RASSF4: variants seen among roughly 807,000 people sequenced by gnomAD.
The protein encoded by RASSF4 is Ras association domain family member 4, also known as ras association domain-containing protein 4.
A neutral mutation model predicts 41.1 loss-of-function variants in RASSF4; 38 were observed. That is an observed-to-expected ratio of 0.92 (90% CI 0.71 to 1.21). The LOEUF is 1.21. Ranked by LOEUF, RASSF4 falls within the 50% of genes most tolerant of loss-of-function variation. The pLI, the probability that RASSF4 is intolerant of heterozygous loss-of-function variation, is 0.00. For missense variants in RASSF4, 414 were observed against 419.4 expected (o/e 0.99, Z 0.11); for synonymous variants, 179 against 163.4 (o/e 1.10, Z -0.73).
chr10:44,979,570 A>G (rs977703640), intron 3 of RASSF4, among the ~76,000 whole-genome samples: 9 of 152,286 alleles, frequency 5.9e-5, no homozygotes, highest in Admixed American at 3.9e-4. Flanking sequence ...TACAGTGGTC[A>G]GGGGTGTCTT....
intron 3 of RASSF4, chr10:44,982,125 G>A (rs535643996): frequency 3.6e-6 from 1 of 276,760 alleles, no homozygotes; most frequent in South Asian, 3.3e-5. Flanking sequence ...CATAGGACCT[G>A]GTGGCGCAGG....
At position 44,970,230 on chromosome 10, in the gene RASSF4, C is replaced by T. The variant is rs34692238; in HGVS notation, c.28C>T (p.His10Tyr). The T allele has an allele frequency of 6.8e-4, 1,101 of 1,614,068 alleles. 2 individuals carry two copies. In the African/African-American group the frequency reaches 0.012, roughly 17 times the overall value. Residue 10 changes from histidine (H) to tyrosine (Y), a missense_variant, in exon 2 of 11, where the codon CAC (histidine) becomes TAC (tyrosine). By Grantham distance (83) the His-to-Tyr change is moderately conservative (BLOSUM62 2). Coordinates refer to ENST00000340258, the MANE Select transcript of RASSF4 (RefSeq NM_032023.4). The stretch of plus-strand genomic sequence containing the variant: ...GAAGGAAGACTGTCTGCCGAGTTCT[C>T]ACGTGCCCATCAGTGACAGCAAGTC... MKEDCLPSS[H>Y]VPISDSKSIQ...
chr10:44,987,636 T>G (rs1841969620), intron 6 of RASSF4, among the ~76,000 whole-genome samples: 1 of 149,916 alleles, frequency 6.7e-6, no homozygotes, highest in Non-Finnish European at 1.5e-5. Flanking sequence ...CTTTTTTTTT[T>G]TTTTTTGCTG....
rs1161152612 is a variant in RASSF4, at chr10:44,991,922, G to C, written c.825G>C (p.Lys275Asn). ...TTTTCTAGGTCGCTCAGTACATTAA[G>C]TTTGAAATGCCGGTGCTGGACAGTT... ...EVPHEVAQYI[K>N]FEMPVLDSFV... is the part of the protein sequence containing the mutation. The change falls in exon 10 of 11, where the codon AAG becomes AAC. Residue 275 changes from lysine (K) to asparagine (N), a missense_variant. Lys to Asn is a moderately conservative substitution (Grantham distance 94). Transcript: ENST00000340258. The C allele has an allele frequency of 1.2e-6, 2 of 1,612,926 alleles. No individual in the cohort carries two copies.
chr10:44,977,495 G>A (rs1300571056), intron 3 of RASSF4: 3 of 1,613,240 alleles, frequency 1.9e-6, no homozygotes, highest in Admixed American at 3.3e-5. Flanking sequence ...CTGCCCAAAA[G>A]TCCAGCTTCT....
intron 1 of RASSF4, among the ~76,000 whole-genome samples, chr10:44,961,213 A>T (rs1226559326): frequency 6.6e-6 from 1 of 152,186 alleles, no homozygotes; most frequent in Non-Finnish European, 1.5e-5. Context: ...TGACAACAAA[A>T]AGGTTGATGC....
At chr10:44,971,606 G>A (rs770885939) in intron 2 of RASSF4, 167 bp from the exon 3 acceptor site, 13 of 713,094 alleles carry the variant, frequency 1.8e-5, no homozygotes, top group South Asian at 5.8e-5. Flanking sequence ...AGAACCATCC[G>A]GGTGCATTGC....
chr10:44,968,553 G>A (rs1225595999), intron 1 of RASSF4, among the ~76,000 whole-genome samples: 2 of 152,182 alleles, frequency 1.3e-5, no homozygotes, highest in African/African-American at 4.8e-5. Context: ...CCTGCCTCTT[G>A]CATCACAGGC....
chr10:44,984,134 G>T (rs1459453625), intron 5 of RASSF4, 21 bp downstream of exon 5: 2 of 1,574,192 alleles, frequency 1.3e-6, no homozygotes, highest in East Asian at 2.3e-5. Context: ...CCCGCAAGCT[G>T]CCCAGACCCC....
At chr10:44,979,239 C>T (rs935060789) in intron 3 of RASSF4, among the ~76,000 whole-genome samples, 4 of 152,184 alleles carry the variant, frequency 2.6e-5, no homozygotes, top group East Asian at 1.9e-4. Context: ...TAGGCCTGCT[C>T]CTAGGAGAGA....
intron 6 of RASSF4, among the ~76,000 whole-genome samples, chr10:44,987,273 A>G (rs1205654630): frequency 4.0e-5 from 6 of 151,886 alleles, no homozygotes; most frequent in African/African-American, 7.3e-5. Context: ...TAATTTTTGT[A>G]TTTTTTGTAG....
chr10:44,974,629 C>CCG (rs1554807970), intron 3 of RASSF4, among the ~76,000 whole-genome samples: 1 of 152,010 alleles, frequency 6.6e-6, no homozygotes, highest in Non-Finnish European at 1.5e-5. Flanking sequence ...GAGACCCCCC[C>CCG]GTGTTGTCAC....
At chr10:44,988,926 T>C (rs543419347) in intron 6 of RASSF4, among the ~76,000 whole-genome samples, 7 of 152,214 alleles carry the variant, frequency 4.6e-5, no homozygotes, top group Non-Finnish European at 1.0e-4. Flanking sequence ...ACTTTCAGCC[T>C]TAGAATCAAC....
chr10:44,982,792 C>G lies in RASSF4; in HGVS notation c.281+129C>G, dbSNP rs1380572405. On this transcript the variant is annotated intron_variant, in intron 4 of 10. Coordinates refer to ENST00000340258, the MANE Select transcript of RASSF4 (RefSeq NM_032023.4). ...CACAGGAGGGTGACCCAGCCTCATC[C>G]CCATGCCCTGTGACTGCCTCAGTCC... The G allele has an allele frequency of 5.8e-6, 6 of 1,039,498 alleles. No individual in the cohort carries two copies. The East Asian group carries it at 1.6e-4, about 27-fold the overall frequency. The allele number at this position is 1,039,498 out of a possible 1,614,324, so 64.4% of individuals were successfully genotyped here. A position where few individuals can be genotyped will look rare whatever the true frequency, so the allele number is the denominator to read the frequency against.
rs546198227 is a variant in RASSF4 at position 44,970,274 on chromosome 10, G to T, written c.62+10G>T. On this transcript the variant is annotated intron_variant, in intron 2 of 10. Transcript: ENST00000340258. ...GCAAGTCCATTCAGAAGTAAGCCTT[G>T]GTGTGCAGGTTGGGCGGGGGAGTCT... is the stretch of plus-strand genomic sequence containing the variant. The T allele has an allele frequency of 4.3e-6, 7 of 1,612,814 alleles. No individual in the cohort carries two copies. The highest frequency in any genetic ancestry group is 3.3e-4 in the Middle Eastern group (2 of 6,058).
chr10:44,962,232 C>T (rs892714190), intron 1 of RASSF4, among the ~76,000 whole-genome samples: 3 of 152,258 alleles, frequency 2.0e-5, no homozygotes, highest in Non-Finnish European at 2.9e-5. Context: ...GGCTCTACAA[C>T]GTTCCTCTGC....
At chr10:44,969,177 C>G (rs1035812594) in intron 1 of RASSF4, among the ~76,000 whole-genome samples, 1 of 151,620 alleles carries the variant, frequency 6.6e-6, no homozygotes, top group African/African-American at 2.4e-5. Flanking sequence ...ATGTAGGAGG[C>G]CTTGATAAGA....
In RASSF4 at chr10:44,975,812, G is replaced by C. The variant is rs187355778; in HGVS notation, c.138+3964G>C. Among the ~76,000 whole-genome samples the C allele has an allele frequency of 1.0e-3, 159 of 151,522 alleles. 2 individuals are homozygous for C. Among genetic ancestry groups the C allele is most frequent in the African/African-American group, 3.6e-3 (149 of 41,274 alleles). The stretch of plus-strand genomic sequence containing the variant: ...CAGCTGGGTATTAGTGAGGAAGCCC[G>C]GGGATGGTCTCCTCAAACTGCCAGA... On this transcript the variant is annotated intron_variant, in intron 3 of 10. Coordinates refer to ENST00000340258, the MANE Select transcript of RASSF4 (RefSeq NM_032023.4).
rs769540707 is a variant in RASSF4 at position 44,977,786 on chromosome 10, A to G, written c.139-4735A>G. 24 of 1,601,486 alleles carry G rather than the reference A, an allele frequency of 1.5e-5. 1 individual carries two copies. In the Admixed American group the frequency reaches 3.8e-4, roughly 25 times the overall value. ...ACTGAAACGTGCGGTGATGTCTCGC[A>G]GGGACACAGCAGGGCGGCCCTTCCG... On this transcript the variant is annotated intron_variant, in intron 3 of 10. Coordinates refer to ENST00000340258, the MANE Select transcript of RASSF4 (RefSeq NM_032023.4).
Sources: allele counts gnomAD v4.1 joint callset (sites outside exome capture counted in the v4.1 genomes callset), GRCh38; gene constraint gnomAD v4.1.1; transcripts MANE v1.5; gene names NCBI Gene and HGNC (gene_info 2026-07-23, HGNC 2026-07-21).